The following DAB1 variants were observed in gnomAD, a reference collection of about 807,000 sequenced individuals.
DAB1 encodes the protein DAB adaptor protein 1.
A neutral mutation model predicts 64.6 loss-of-function variants in DAB1; 15 were observed. The observed-to-expected ratio is 0.23, with a 90% CI of 0.16 to 0.36. The LOEUF is 0.36. Ranked by LOEUF, DAB1 falls within the 10% of genes least tolerant of loss-of-function variation. The probability of loss-of-function intolerance (pLI) is 1.00; values close to 1 mark genes in which losing one functional copy is unlikely to be tolerated. For missense variants in DAB1, 596 were observed against 706.7 expected (o/e 0.84, Z 1.78); for synonymous variants, 235 against 251.9 (o/e 0.93, Z 0.64).
intron 5 of DAB1, among the ~76,000 whole-genome samples, chr1:57,979,997 C>A (rs1388113395): frequency 3.3e-5 from 5 of 152,174 alleles, no homozygotes; most frequent in African/African-American, 1.2e-4. Context: ...CTGACCAGTG[C>A]CTCTCTGTCC....
chr1:58,479,026 TA>T (rs962339069), intron 3 of DAB1, among the ~76,000 whole-genome samples: 9 of 152,216 alleles, frequency 5.9e-5, no homozygotes, highest in African/African-American at 1.4e-4. Context: ...TTCCACTGGT[TA>T]AAAAAAATCT....
chr1:57,414,603 A>T (rs1684355556), intron 1 of DAB1, among the ~76,000 whole-genome samples: 1 of 152,186 alleles, frequency 6.6e-6, no homozygotes, highest in African/African-American at 2.4e-5. Flanking sequence ...CGTATCTCCC[A>T]TGGATGCCTG....
At chr1:57,285,950 A>C (rs1484762698) in intron 2 of DAB1, among the ~76,000 whole-genome samples, 1 of 152,198 alleles carries the variant, frequency 6.6e-6, no homozygotes, top group Non-Finnish European at 1.5e-5. Context: ...GAACCTAAAA[A>C]TATACATTCT....
At chr1:58,327,756 C>T (rs181259896) in intron 4 of DAB1, among the ~76,000 whole-genome samples, 12 of 152,116 alleles carry the variant, frequency 7.9e-5, no homozygotes, top group Admixed American at 6.6e-4. Flanking sequence ...GTCAGGAGTT[C>T]GAGACCAGCC....
At chr1:57,494,862 C>T (rs1472505451) in intron 7 of DAB1, among the ~76,000 whole-genome samples, 1 of 152,110 alleles carries the variant, frequency 6.6e-6, no homozygotes, top group Non-Finnish European at 1.5e-5. Context: ...TCATTCTGTA[C>T]CTTGCTTCAG....
At chr1:57,983,965 C>T (rs1646129907) in intron 5 of DAB1, among the ~76,000 whole-genome samples, 1 of 152,040 alleles carries the variant, frequency 6.6e-6, no homozygotes, top group Non-Finnish European at 1.5e-5. Context: ...TGTATAAAAA[C>T]ATACACACGC....
At chr1:57,556,156 G>A (rs934748540) in intron 7 of DAB1, among the ~76,000 whole-genome samples, 7 of 152,078 alleles carry the variant, frequency 4.6e-5, no homozygotes, top group Non-Finnish European at 7.4e-5. Context: ...TACATACCAC[G>A]TTTTCTTTAT....
chr1:58,141,362 C>T lies in DAB1; in HGVS notation n.387+9149G>A, dbSNP rs372924163. 4.8e-4 allele frequency among the ~76,000 whole-genome samples: 73 copies of T among 152,064 alleles called. 1 individual carries two copies. The highest frequency in any genetic ancestry group is 1.7e-3 in the African/African-American group (70 of 41,472). On this transcript the variant is annotated intron_variant and non_coding_transcript_variant, in intron 5 of 20. Coordinates refer to the DAB1 transcript ENST00000485760. ...TGCCCTTTATAAAACCATCAGATCT[C>T]GTGAGACTTATTCACTATCACGAGA...
intron 6 of DAB1, among the ~76,000 whole-genome samples, chr1:57,765,926 C>T (rs968879278): frequency 8.5e-5 from 13 of 152,218 alleles, no homozygotes; most frequent in African/African-American, 1.2e-4. Flanking sequence ...CCACTATGCC[C>T]GGCCAGTACT....
intron 6 of DAB1, among the ~76,000 whole-genome samples, chr1:57,820,115 G>A (rs4912284): frequency 0.076 from 11,513 of 152,158 alleles, 675 homozygotes; most frequent in Admixed American, 0.21. Flanking sequence ...GTTCACAGGC[G>A]TCAAACTAGC....
chr1:57,983,601 A>C (rs1373999067), intron 5 of DAB1, among the ~76,000 whole-genome samples: 1 of 152,160 alleles, frequency 6.6e-6, no homozygotes, highest in Non-Finnish European at 1.5e-5. Flanking sequence ...GGACACATGC[A>C]TGTGTCATAA....
intron 2 of DAB1, among the ~76,000 whole-genome samples, chr1:57,181,202 A>G (rs554008180): frequency 6.6e-6 from 1 of 152,316 alleles, no homozygotes; most frequent in South Asian, 2.1e-4. Context: ...AGCTGTAGGG[A>G]AAGGAATCCA....
At chr1:58,541,449 A>G (rs547287911) in intron 1 of DAB1, 20 of 149,888 alleles carry the variant, frequency 1.3e-4, no homozygotes, top group African/African-American at 4.6e-4. Flanking sequence ...GAGTTGTAGG[A>G]AAAAAGCAGC....
Position 58,492,339 on chromosome 1 carries a change from A to G in DAB1, n.257+13721T>C, listed in dbSNP as rs560010630. On this transcript the variant is annotated intron_variant and non_coding_transcript_variant, in intron 3 of 20. Coordinates refer to the DAB1 transcript ENST00000485760. ...AAAGATCTAAAATTGACACCCTAAC[A>G]TCACAATTAAAAGAACTAGAGAAGC... Among the ~76,000 whole-genome samples, 6 of 152,352 alleles carry G rather than the reference A, an allele frequency of 3.9e-5. No individual in the cohort carries two copies. In the South Asian group the frequency reaches 1.2e-3, roughly 32 times the overall value.
chr1:58,524,047 T>C (rs1192324492), intron 2 of DAB1, among the ~76,000 whole-genome samples: 2 of 152,224 alleles, frequency 1.3e-5, no homozygotes, highest in Non-Finnish European at 2.9e-5. Context: ...CAGCTGGTAT[T>C]ATCTTTTTCC....
intron 1 of DAB1, among the ~76,000 whole-genome samples, chr1:57,356,523 C>A (rs1679113613): frequency 6.6e-6 from 1 of 152,032 alleles, no homozygotes. Context: ...TCATCCAGCA[C>A]ATATCAGGGG....
chr1:57,654,263 T>C (rs1570708994), intron 6 of DAB1, among the ~76,000 whole-genome samples: 1 of 152,220 alleles, frequency 6.6e-6, no homozygotes, highest in East Asian at 1.9e-4. Context: ...GTATGTCAGA[T>C]GGTCACATGT....
intron 7 of DAB1, among the ~76,000 whole-genome samples, chr1:57,612,906 C>T (rs1217489799): frequency 2.0e-5 from 3 of 151,980 alleles, no homozygotes; most frequent in African/African-American, 7.3e-5. Context: ...TGAATGAAAC[C>T]ATGAACGGTA....
At chr1:57,164,686 G>A (rs1256419181) in intron 2 of DAB1, among the ~76,000 whole-genome samples, 1 of 152,094 alleles carries the variant, frequency 6.6e-6, no homozygotes, top group Non-Finnish European at 1.5e-5. Flanking sequence ...TTATGAAAAG[G>A]CAAAGAGAAA....
Sources: gnomAD v4.1 joint callset for allele counts (sites outside exome capture counted in the v4.1 genomes callset) on GRCh38, gnomAD v4.1.1 for gene constraint, MANE v1.5 for transcripts, NCBI Gene and HGNC (gene_info 2026-07-23, HGNC 2026-07-21) for gene names.